NEMP2: variants seen among roughly 807,000 people sequenced by gnomAD.
NEMP2 encodes UPF0571 transmembrane protein.
A neutral mutation model predicts 54.2 loss-of-function variants in NEMP2; 53 were observed. The ratio of observed to expected loss-of-function variants is 0.98; its 90% CI spans 0.78 to 1.23. The LOEUF (loss-of-function observed/expected upper bound fraction) is 1.23. Ranked by LOEUF, NEMP2 falls within the 50% of genes most tolerant of loss-of-function variation. The pLI is 0.00. For missense variants in NEMP2, 455 were observed against 511.3 expected (o/e 0.89, Z 1.06); for synonymous variants, 197 against 190.3 (o/e 1.04, Z -0.29).
At chr2:190,596,163 G>T in the NEMP2 span, among the ~76,000 whole-genome samples, 1 of 152,192 alleles carries the variant, frequency 6.6e-6, no homozygotes, top group East Asian at 1.9e-4. This position sits in a 1 kb window ranked among gnomAD's most constrained non-coding sequence, Gnocchi z 5.1. Context: ...AAAACCAAAC[G>T]CTGCATGTTA....
downstream of NEMP2, chr2:190,500,393 G>A: frequency 5.9e-6 from 4 of 680,834 alleles, no homozygotes; most frequent in Non-Finnish European, 7.3e-6. This position sits in a 1 kb window ranked among gnomAD's most constrained non-coding sequence, Gnocchi z 5.3. Context: ...GTACATATTG[G>A]CAGGAAAAGG....
the NEMP2 span, among the ~76,000 whole-genome samples, chr2:190,629,201 A>G: frequency 6.6e-6 from 1 of 152,214 alleles, no homozygotes. Flanking sequence ...CCATCATGAC[A>G]CAGCCCGATT....
the NEMP2 span, among the ~76,000 whole-genome samples, chr2:190,457,755 G>C: frequency 4.8e-4 from 73 of 152,260 alleles, 1 homozygote; most frequent in African/African-American, 1.7e-3. This position sits in a 1 kb window ranked among gnomAD's most constrained non-coding sequence, Gnocchi z 5.1. Context: ...CAAAACTCTA[G>C]TATAACCAAA....
At chr2:190,450,115 G>C in the NEMP2 span, among the ~76,000 whole-genome samples, 1 of 152,276 alleles carries the variant, frequency 6.6e-6, no homozygotes, top group South Asian at 2.1e-4. Flanking sequence ...AGTAAGTGCA[G>C]GTATGAGTGT....
At chr2:190,490,646 T>C in the NEMP2 span, among the ~76,000 whole-genome samples, 1 of 152,170 alleles carries the variant, frequency 6.6e-6, no homozygotes, top group African/African-American at 2.4e-5. This position sits in a 1 kb window ranked among gnomAD's most constrained non-coding sequence, Gnocchi z 4.5. Context: ...TTTATTAAGA[T>C]TGTTCTACCA....
At chr2:190,643,586 C>T in the NEMP2 span, among the ~76,000 whole-genome samples, 1 of 152,196 alleles carries the variant, frequency 6.6e-6, no homozygotes, top group African/African-American at 2.4e-5. Context: ...CTTTATAGCG[C>T]TGTTGCGAGG....
At chr2:190,447,749 A>AAAT in the NEMP2 span, among the ~76,000 whole-genome samples, 1 of 152,198 alleles carries the variant, frequency 6.6e-6, no homozygotes, top group East Asian at 1.9e-4. The surrounding 1 kb of genome is among the most constrained non-coding windows in gnomAD (Gnocchi z 4.5). Context: ...CCTTGGAGCT[A>AAAT]TTTAAAATAC....
In NEMP2 at chr2:190,534,545, C is replaced by T. The variant is rs924694311; in HGVS notation, c.97+14G>A. On this transcript the variant is annotated intron_variant, in intron 1 of 8. Coordinates refer to ENST00000409150, the MANE Select transcript of NEMP2 (RefSeq NM_001142645.2). Reference sequence around the variant, plus strand: ...GCACGCACGCGCGCGCCGCCGCCGCCGGTCCCGGGTTACCTGATAACGCTG... The same window carrying T: ...GCACGCACGCGCGCGCCGCCGCCGCTGGTCCCGGGTTACCTGATAACGCTG... The T allele has an allele frequency of 1.3e-5, 18 of 1,392,112 alleles. No individual in the cohort carries two copies. Among genetic ancestry groups the T allele is most frequent in the African/African-American group, 6.1e-5 (4 of 65,976 alleles). 86.2% of individuals were successfully genotyped at this position (1,392,112 alleles called of 1,614,324 possible). A position where few individuals can be genotyped will look rare whatever the true frequency, so the allele number is the denominator to read the frequency against.
chr2:190,624,999 C>T, the NEMP2 span: 2 of 152,168 alleles, frequency 1.3e-5, no homozygotes, highest in African/African-American at 4.8e-5. Context: ...CCTCATTTAT[C>T]GTTGGTGAGA....
At chr2:190,472,968 T>G in the NEMP2 span, among the ~76,000 whole-genome samples, 139 of 152,248 alleles carry the variant, frequency 9.1e-4, no homozygotes, top group African/African-American at 3.2e-3. Flanking sequence ...AACCCAGAAT[T>G]TCATATCCAG....
At chr2:190,440,793 A>G in the NEMP2 span, among the ~76,000 whole-genome samples, 3 of 152,234 alleles carry the variant, frequency 2.0e-5, no homozygotes, top group Non-Finnish European at 4.4e-5. Flanking sequence ...TTAGCCATCA[A>G]TTACTACTTA....
the NEMP2 span, among the ~76,000 whole-genome samples, chr2:190,607,464 AT>A: frequency 7.3e-5 from 11 of 151,422 alleles, no homozygotes; most frequent in African/African-American, 1.9e-4. The surrounding 1 kb of genome is among the most constrained non-coding windows in gnomAD (Gnocchi z 5.2). Flanking sequence ...CTGAAGCATC[AT>A]TTTTTTTTAA....
At chr2:190,453,117 A>C in the NEMP2 span, among the ~76,000 whole-genome samples, 3 of 152,140 alleles carry the variant, frequency 2.0e-5, no homozygotes, top group Admixed American at 1.3e-4. Context: ...CAGAAATGTT[A>C]GGTTTGGTGC....
the NEMP2 span, among the ~76,000 whole-genome samples, chr2:190,452,730 G>C: frequency 6.6e-6 from 1 of 152,030 alleles, no homozygotes; most frequent in African/African-American, 2.4e-5. Context: ...GTCTCTTCCT[G>C]GTGAGATCTC....
the NEMP2 span, chr2:190,436,361 A>G: frequency 6.2e-7 from 1 of 1,614,210 alleles, no homozygotes; most frequent in Non-Finnish European, 8.5e-7. The surrounding 1 kb of genome is among the most constrained non-coding windows in gnomAD (Gnocchi z 5.3). Flanking sequence ...GGTATTCGTT[A>G]CTTCATTGAA....
the NEMP2 span, among the ~76,000 whole-genome samples, chr2:190,597,333 A>G: frequency 6.6e-6 from 1 of 152,030 alleles, no homozygotes; most frequent in Non-Finnish European, 1.5e-5. The surrounding 1 kb of genome is among the most constrained non-coding windows in gnomAD (Gnocchi z 4.7). Context: ...GCTAAGAGAT[A>G]AAGGGGAGAA....
the NEMP2 span, among the ~76,000 whole-genome samples, chr2:190,555,082 C>A: frequency 6.6e-6 from 1 of 152,174 alleles, no homozygotes; most frequent in African/African-American, 2.4e-5. This position sits in a 1 kb window ranked among gnomAD's most constrained non-coding sequence, Gnocchi z 4.8. Context: ...AGGGGCCTGA[C>A]TGTTAGAAGG....
upstream of NEMP2, among the ~76,000 whole-genome samples, chr2:190,535,470 T>C (rs1559173288): frequency 6.6e-6 from 1 of 152,208 alleles, no homozygotes; most frequent in Non-Finnish European, 1.5e-5. Context: ...TTAGGAGATA[T>C]ACATATATTT....
chr2:190,644,908 AACAC>A, the NEMP2 span, among the ~76,000 whole-genome samples: 19 of 152,268 alleles, frequency 1.2e-4, no homozygotes, highest in African/African-American at 4.1e-4. The surrounding 1 kb of genome is among the most constrained non-coding windows in gnomAD (Gnocchi z 4.4). Flanking sequence ...AGTTAAAAAA[AACAC>A]ACACACACAA....
Sources: gnomAD v4.1 joint callset for allele counts (sites outside exome capture counted in the v4.1 genomes callset) on GRCh38, gnomAD v4.1.1 for gene constraint, Gnocchi (gnomAD v3.1) non-coding constraint, MANE v1.5 for transcripts, NCBI Gene and HGNC (gene_info 2026-07-23, HGNC 2026-07-21) for gene names.